TMEM40: variants seen among roughly 807,000 people sequenced by gnomAD.
TMEM40 encodes the protein transmembrane protein 40.
TMEM40 carries 34 observed loss-of-function variants against 40.8 expected under a neutral mutation model. The ratio of observed to expected loss-of-function variants is 0.83; its 90% CI spans 0.63 to 1.11. The LOEUF (loss-of-function observed/expected upper bound fraction) is 1.11, where lower values mean the gene tolerates loss of function less well. TMEM40 is among the 50% of genes least tolerant of loss of function. TMEM40 has a pLI of 0.00. For missense variants in TMEM40, 296 were observed against 280.2 expected, an observed-to-expected ratio of 1.06 and a Z score of -0.40; for synonymous variants, 106 against 107.0, an observed-to-expected ratio of 0.99 and a Z score of 0.06.
chr3:12,752,065 C>A (rs569617639), intron 1 of TMEM40, among the ~76,000 whole-genome samples: 3 of 152,284 alleles, frequency 2.0e-5, no homozygotes, highest in South Asian at 4.1e-4. Context: ...ATTCCCCACT[C>A]CCCTAAACTT....
Position 12,738,525 on chromosome 3 carries a change from G to A in TMEM40, c.391+28C>T, listed in dbSNP as rs370272957. 30 of 1,613,270 alleles carry A rather than the reference G, an allele frequency of 1.9e-5. 1 individual carries two copies. The South Asian group carries it at 2.2e-4, about 12-fold the overall frequency. On this transcript the variant is annotated intron_variant, in intron 6 of 11. Coordinates refer to ENST00000314124, the MANE Select transcript of TMEM40 (RefSeq NM_018306.4). Reference sequence around the variant, plus strand: ...GACCTGGCTCAATACCAGCACCAACGACCTCTCTCCTCTAACTGGACACTC... The same window carrying A: ...GACCTGGCTCAATACCAGCACCAACAACCTCTCTCCTCTAACTGGACACTC...
intron 1 of TMEM40, 47 bp from the exon 2 acceptor site, chr3:12,749,887 T>C (rs1457448312): frequency 4.0e-6 from 6 of 1,518,688 alleles, no homozygotes; most frequent in Non-Finnish European, 5.4e-6. Flanking sequence ...TTAGTTAATA[T>C]CTTAATATAC....
At chr3:12,745,957 G>T (rs1326225915) in intron 3 of TMEM40, among the ~76,000 whole-genome samples, 1 of 151,706 alleles carries the variant, frequency 6.6e-6, no homozygotes, top group African/African-American at 2.4e-5. Context: ...GAGTGCAGCG[G>T]TGCAATCTCA....
intron 10 of TMEM40, among the ~76,000 whole-genome samples, chr3:12,736,283 A>AGATTAC (rs2061336588): frequency 6.6e-6 from 1 of 151,578 alleles, no homozygotes; most frequent in South Asian, 2.1e-4. Flanking sequence ...CGAGTAGCTG[A>AGATTAC]GATTACAGAC....
chr3:12,759,629 C>T (rs2061555620), upstream of TMEM40: 2 of 152,392 alleles, frequency 1.3e-5, no homozygotes, highest in Non-Finnish European at 2.9e-5. Context: ...CCAACCTGCC[C>T]TGCGCGTCCC....
chr3:12,755,283 C>CT (rs56223138), intron 1 of TMEM40, among the ~76,000 whole-genome samples: 8,345 of 97,152 alleles, frequency 0.086, 646 homozygotes, highest in African/African-American at 0.19. Flanking sequence ...TTCTTTCTTT[C>CT]TTCTTTTCTA....
intron 3 of TMEM40, 122 bp downstream of exon 3, chr3:12,748,533 A>C: frequency 1.1e-5 from 15 of 1,360,678 alleles, no homozygotes; most frequent in Non-Finnish European, 1.5e-5. Flanking sequence ...CGGCTCTAGA[A>C]GAGAATGTGG....
Position 12,737,773 on chromosome 3 carries a change from A to G in TMEM40, c.425-19T>C. 6.2e-7 allele frequency: 1 copy of G among 1,612,186 alleles called. No homozygotes were observed. Among genetic ancestry groups the G allele is most frequent in the Non-Finnish European group, 8.5e-7 (1 of 1,178,320 alleles). ...ACTTCTCCTTAAGAACAAGAGAGAG[A>G]TGAATATTTAACTTTGATGCAGGAC... On this transcript the variant is annotated intron_variant, in intron 7 of 11. Coordinates refer to ENST00000314124, the MANE Select transcript of TMEM40 (RefSeq NM_018306.4).
intron 1 of TMEM40, chr3:12,769,239 TTC>T (rs1318341133): frequency 2.4e-6 from 1 of 411,518 alleles, no homozygotes; most frequent in Admixed American, 2.5e-5. Context: ...GCCCGTGCCT[TTC>T]TCTCCATACC....
At chr3:12,736,952 C>T (rs2061342702) in intron 8 of TMEM40, 117 bp from the exon 9 acceptor site, 2 of 1,290,266 alleles carry the variant, frequency 1.6e-6, no homozygotes, top group Non-Finnish European at 2.2e-6. Context: ...GATCCCAGCT[C>T]ATTGCAGCCT....
intron 1 of TMEM40, among the ~76,000 whole-genome samples, chr3:12,758,966 T>C (rs2061550110): frequency 6.6e-6 from 1 of 152,142 alleles, no homozygotes; most frequent in Non-Finnish European, 1.5e-5. Context: ...TGGCCAAGTA[T>C]AGGCGGGTGG....
chr3:12,752,830 G>A (rs577937055), intron 1 of TMEM40, among the ~76,000 whole-genome samples: 7 of 151,866 alleles, frequency 4.6e-5, no homozygotes, highest in Non-Finnish European at 1.0e-4. Context: ...AAGAAAGAAA[G>A]AAACTTGTCC....
At chr3:12,753,851 T>G (rs2061498076) in intron 1 of TMEM40, among the ~76,000 whole-genome samples, 1 of 152,200 alleles carries the variant, frequency 6.6e-6, no homozygotes, top group Non-Finnish European at 1.5e-5. Context: ...TGAGCCCAGA[T>G]TTCCTGAGCT....
At position 12,758,136 on chromosome 3, in the gene TMEM40, TAAGGCAGGGAGC is replaced by T. The variant is rs747275668; in HGVS notation, c.-9+1043_-9+1054del. Among the ~76,000 whole-genome samples, 152 of 150,340 alleles carry T rather than the reference TAAGGCAGGGAGC, an allele frequency of 1.0e-3. 1 individual carries two copies. The highest frequency in any genetic ancestry group is 3.5e-3 in the Middle Eastern group (1 of 286). On this transcript the variant is annotated intron_variant, in intron 1 of 11. Transcript: ENST00000314124. ...CCACAGGATTGTTGTGAAAGTGAAA[TAAGGCAGGGAGC>T]AGGGCAGGCCCAGCATGGTCCCTGA...
intron 11 of TMEM40, 78 bp downstream of exon 11, chr3:12,735,477 C>G (rs2106603824): frequency 6.9e-7 from 1 of 1,452,360 alleles, no homozygotes; most frequent in Admixed American, 1.8e-5. Flanking sequence ...GTGTTCTTTC[C>G]TGTATGCTAA....
At chr3:12,738,660 G>T in intron 5 of TMEM40, 72 bp from the exon 6 acceptor site, 1 of 1,521,928 alleles carries the variant, frequency 6.6e-7, no homozygotes, top group South Asian at 1.1e-5. Flanking sequence ...CTTCAGGGAA[G>T]GTGGATCCTG....
upstream of TMEM40, among the ~76,000 whole-genome samples, chr3:12,763,586 C>T (rs1575748794): frequency 6.6e-6 from 1 of 152,174 alleles, no homozygotes; most frequent in Admixed American, 6.5e-5. Context: ...GAACTGCAAG[C>T]GGGGGCCTGC....
chr3:12,746,056 C>T (rs1368072981), intron 3 of TMEM40, among the ~76,000 whole-genome samples: 1 of 151,996 alleles, frequency 6.6e-6, no homozygotes, highest in Admixed American at 6.6e-5. Flanking sequence ...CACCACCACA[C>T]CTGGCTAATT....
rs1329112731 is a variant in TMEM40, at chr3:12,749,780, C to T, written c.53G>A (p.Arg18Lys). 1 of 1,613,978 alleles carries T rather than the reference C, an allele frequency of 6.2e-7. No homozygotes were observed. The highest frequency in any genetic ancestry group is 8.5e-7 in the Non-Finnish European group (1 of 1,180,028). The change falls in exon 2 of 12, where the codon AGA becomes AAA. Residue 18 changes from arginine to lysine, a missense_variant. By Grantham distance (26) the Arg-to-Lys change is conservative. Transcript: ENST00000314124. ...SQPQDNSQVH[R>K]ETEDVDYGET... Reference sequence around the variant, plus strand: ...CGTACAGTCTACATCTTCTGTTTCTCTGTGGACTTGACTGTTGTCCTGAGG... The same window carrying T: ...CGTACAGTCTACATCTTCTGTTTCTTTGTGGACTTGACTGTTGTCCTGAGG...
Sources: gnomAD v4.1 joint callset for allele counts (sites outside exome capture counted in the v4.1 genomes callset) on GRCh38, gnomAD v4.1.1 for gene constraint, MANE v1.5 for transcripts, NCBI Gene and HGNC (gene_info 2026-07-23, HGNC 2026-07-21) for gene names.